LRFN2: variants seen among roughly 807,000 people sequenced by gnomAD.
LRFN2 encodes the protein leucine rich repeat and fibronectin type III domain containing 2, also known as leucine-rich repeat and fibronectin type-III domain-containing protein 2.
In LRFN2, 18 loss-of-function variants were observed where a neutral mutation model predicts 37.3. The ratio of observed to expected loss-of-function variants is 0.48; its 90% CI spans 0.33 to 0.72. The LOEUF (loss-of-function observed/expected upper bound fraction) is 0.72, where lower values mean the gene tolerates loss of function less well. LRFN2 is among the 30% of genes least tolerant of loss of function. The pLI is 0.02. For synonymous variants in LRFN2, 556 were observed against 466.6 expected, an observed-to-expected ratio of 1.19 and a Z score of -2.47; for missense variants, 1,006 against 1,060.7, an observed-to-expected ratio of 0.95 and a Z score of 0.72.
At chr6:40,541,038 C>G (rs1056632384) in intron 1 of LRFN2, among the ~76,000 whole-genome samples, 5 of 152,324 alleles carry the variant, frequency 3.3e-5, no homozygotes, top group African/African-American at 9.6e-5. Context: ...CTCCCTCATT[C>G]TGCAGCAGAA....
At chr6:40,549,345 T>A (rs428401) in intron 1 of LRFN2, among the ~76,000 whole-genome samples, 14,272 of 152,202 alleles carry the variant, frequency 0.094, 784 homozygotes, top group Non-Finnish European at 0.12. Context: ...TGTCATGCAG[T>A]GACAAGGAGG....
chr6:40,400,468 T>G (rs1373104675), intron 2 of LRFN2, among the ~76,000 whole-genome samples: 1 of 145,928 alleles, frequency 6.9e-6, no homozygotes, highest in African/African-American at 2.5e-5. Flanking sequence ...TCACCCAGGC[T>G]GGAGTGCAAT....
At chr6:40,429,490 A>G (rs1763430562) in intron 2 of LRFN2, among the ~76,000 whole-genome samples, 1 of 152,258 alleles carries the variant, frequency 6.6e-6, no homozygotes, top group South Asian at 2.1e-4. Flanking sequence ...GGTCAACCTC[A>G]TAAGTTAGCA....
intron 1 of LRFN2, chr6:40,501,596 G>A (rs1286138817): frequency 6.6e-6 from 1 of 151,814 alleles, no homozygotes; most frequent in Non-Finnish European, 1.5e-5. Context: ...CTAAAGTACT[G>A]GGATTTACAG....
chr6:40,443,926 A>T (rs193021963), intron 1 of LRFN2, among the ~76,000 whole-genome samples: 86 of 152,238 alleles, frequency 5.6e-4, no homozygotes, highest in Admixed American at 1.4e-3. Flanking sequence ...CAACAGGAGG[A>T]TGTAGCCCTA....
intron 1 of LRFN2, among the ~76,000 whole-genome samples, chr6:40,448,571 C>T (rs1028801014): frequency 1.3e-5 from 2 of 152,188 alleles, no homozygotes; most frequent in African/African-American, 4.8e-5. Flanking sequence ...AGATCAAATA[C>T]ATAGATGGTT....
At chr6:40,496,892 A>G (rs1456780352) in intron 1 of LRFN2, among the ~76,000 whole-genome samples, 4 of 152,092 alleles carry the variant, frequency 2.6e-5, no homozygotes, top group African/African-American at 9.7e-5. Context: ...TAATAATCTC[A>G]GGCTTTCAGT....
intron 1 of LRFN2, among the ~76,000 whole-genome samples, chr6:40,525,057 A>G (rs1354595573): frequency 6.6e-6 from 1 of 152,228 alleles, no homozygotes; most frequent in African/African-American, 2.4e-5. Flanking sequence ...TATAAAATAC[A>G]AAGTGGGCAT....
intron 1 of LRFN2, among the ~76,000 whole-genome samples, chr6:40,474,395 G>C (rs1205152879): frequency 6.6e-6 from 1 of 152,130 alleles, no homozygotes; most frequent in Non-Finnish European, 1.5e-5. Flanking sequence ...TTACATGGCT[G>C]TCTTTTCTGT....
At chr6:40,438,841 T>C (rs921053708) in intron 1 of LRFN2, among the ~76,000 whole-genome samples, 2 of 152,146 alleles carry the variant, frequency 1.3e-5, no homozygotes, top group Admixed American at 1.3e-4. Flanking sequence ...ATACACGTGT[T>C]CAGAAATACA....
intron 1 of LRFN2, among the ~76,000 whole-genome samples, chr6:40,496,012 T>C (rs1372449674): frequency 6.6e-6 from 1 of 152,052 alleles, no homozygotes; most frequent in Admixed American, 6.6e-5. Flanking sequence ...AATATGCCAA[T>C]ACATTCCCCG....
At chr6:40,403,074 T>C (rs1228223612) in intron 2 of LRFN2, among the ~76,000 whole-genome samples, 1 of 152,170 alleles carries the variant, frequency 6.6e-6, no homozygotes, top group Admixed American at 6.5e-5. Flanking sequence ...TTCTTGCAAG[T>C]ATGTTCACTC....
At chr6:40,465,638 T>A (rs1764444757) in intron 1 of LRFN2, among the ~76,000 whole-genome samples, 1 of 152,196 alleles carries the variant, frequency 6.6e-6, no homozygotes, top group Non-Finnish European at 1.5e-5. Flanking sequence ...TGGGCTCTCC[T>A]GACCCATGTA....
At chr6:40,531,660 G>A (rs1439011918) in intron 1 of LRFN2, among the ~76,000 whole-genome samples, 1 of 152,012 alleles carries the variant, frequency 6.6e-6, no homozygotes, top group Non-Finnish European at 1.5e-5. Flanking sequence ...GCCAGTTTTT[G>A]TTTATGAGGC....
chr6:40,564,367 G>A (rs576205662), intron 1 of LRFN2, among the ~76,000 whole-genome samples: 3 of 152,266 alleles, frequency 2.0e-5, no homozygotes, highest in East Asian at 1.9e-4. Flanking sequence ...AGCACCTGGC[G>A]ATACATATAG....
rs1202054790 is a variant in LRFN2, at chr6:40,435,052, TAGAGAGAGAGAGAG to T, written c.-18-1935_-18-1922del. On this transcript the variant is annotated intron_variant, in intron 1 of 2. Coordinates refer to ENST00000338305, the MANE Select transcript of LRFN2 (RefSeq NM_020737.3). ...ATATATATATATATATATATATATA[TAGAGAGAGAGAGAG>T]AGAGAGAGAGAGAGAGAGAGAGAGA... Among the ~76,000 whole-genome samples the T allele has an allele frequency of 1.4e-3, 51 of 37,532 alleles. 1 individual carries two copies. Among genetic ancestry groups the T allele is most frequent in the African/African-American group, 4.4e-3 (47 of 10,656 alleles). The allele number at this position is 37,532 out of a possible 152,430, so 24.6% of individuals were successfully genotyped here.
At chr6:40,429,163 C>G (rs1763420732) in intron 2 of LRFN2, among the ~76,000 whole-genome samples, 1 of 152,060 alleles carries the variant, frequency 6.6e-6, no homozygotes, top group Non-Finnish European at 1.5e-5. Context: ...ATTTAATTTA[C>G]ATTATTCTTA....
chr6:40,564,833 C>G (rs975869818), intron 1 of LRFN2, among the ~76,000 whole-genome samples: 1 of 152,090 alleles, frequency 6.6e-6, no homozygotes, highest in African/African-American at 2.4e-5. Context: ...GACCACAATA[C>G]CCATCTCCAC....
intron 1 of LRFN2, among the ~76,000 whole-genome samples, chr6:40,533,509 C>T (rs1766390172): frequency 6.6e-6 from 1 of 151,876 alleles, no homozygotes; most frequent in Non-Finnish European, 1.5e-5. Context: ...CCATTACTGG[C>T]TATTGATTAA....
Sources: allele counts gnomAD v4.1 joint callset (sites outside exome capture counted in the v4.1 genomes callset), GRCh38; gene constraint gnomAD v4.1.1; transcripts MANE v1.5; gene names NCBI Gene and HGNC (gene_info 2026-07-23, HGNC 2026-07-21).